The following NCAM2 variants were observed in gnomAD, a reference collection of about 807,000 sequenced individuals.
The protein encoded by NCAM2 is N-CAM-2.
A neutral mutation model predicts 98.1 loss-of-function variants in NCAM2; 30 were observed. The observed-to-expected ratio is 0.31, with a 90% CI of 0.23 to 0.41. The LOEUF is 0.41. Among genes scored for constraint, NCAM2 ranks in the 10% least tolerant of loss-of-function variants. The pLI is 1.00. For synonymous variants in NCAM2, 368 were observed against 342.4 expected (o/e 1.07, Z -0.83); for missense variants, 867 against 1,005.8 (o/e 0.86, Z 1.87).
intron 1 of NCAM2, among the ~76,000 whole-genome samples, chr21:21,252,191 A>G (rs1214433112): frequency 1.3e-5 from 2 of 151,972 alleles, no homozygotes; most frequent in African/African-American, 4.8e-5. Flanking sequence ...ATTAAAATGT[A>G]AGGAAACGAT....
chr21:21,278,452 A>C (rs983859924), intron 1 of NCAM2, among the ~76,000 whole-genome samples: 5 of 152,202 alleles, frequency 3.3e-5, no homozygotes, highest in African/African-American at 9.6e-5. Flanking sequence ...ATTTGGCATT[A>C]ATGGTTTATC....
chr21:21,012,852 C>T (rs1403704849), intron 1 of NCAM2, among the ~76,000 whole-genome samples: 1 of 151,994 alleles, frequency 6.6e-6, no homozygotes, highest in South Asian at 2.1e-4. Context: ...ATTATTATGT[C>T]TTTATGGTGA....
At chr21:21,100,872 A>T (rs995668787) in intron 1 of NCAM2, among the ~76,000 whole-genome samples, 2 of 152,134 alleles carry the variant, frequency 1.3e-5, no homozygotes, top group East Asian at 3.9e-4. Flanking sequence ...GTGCCATTTC[A>T]TCTCTCTGAA....
Position 21,262,812 on chromosome 21 carries a change from G to A in NCAM2, c.56-17766G>A, listed in dbSNP as rs1601801238. Among the ~76,000 whole-genome samples the A allele has an allele frequency of 2.6e-5, 4 of 152,084 alleles. No homozygotes were observed. The South Asian group carries it at 8.3e-4, about 32-fold the overall frequency. On this transcript the variant is annotated intron_variant, in intron 1 of 17. Transcript: ENST00000400546. ...GGACTCACAGTTCCACGTGGCTGGGGAGGCCTCACAATCATGGCAGAAGGT... is the reference window on the plus strand; with the variant it reads ...GGACTCACAGTTCCACGTGGCTGGGAAGGCCTCACAATCATGGCAGAAGGT...
intron 1 of NCAM2, among the ~76,000 whole-genome samples, chr21:21,132,128 T>C (rs1019133886): frequency 6.6e-6 from 1 of 152,188 alleles, no homozygotes; most frequent in Non-Finnish European, 1.5e-5. Context: ...TGGCCTCTTC[T>C]TCCATCTTCA....
intron 1 of NCAM2, among the ~76,000 whole-genome samples, chr21:21,148,221 G>A (rs1270313043): frequency 1.3e-5 from 2 of 152,226 alleles, no homozygotes; most frequent in South Asian, 2.1e-4. Context: ...AGATATCTGG[G>A]CAGCCTGTGT....
intron 12 of NCAM2, among the ~76,000 whole-genome samples, chr21:21,454,084 A>C (rs948228227): frequency 3.3e-5 from 5 of 152,068 alleles, no homozygotes; most frequent in African/African-American, 1.2e-4. Context: ...AAATTTGACC[A>C]CCTACCCTTT....
chr21:21,007,268 A>T (rs552002919), intron 1 of NCAM2, among the ~76,000 whole-genome samples: 1 of 152,262 alleles, frequency 6.6e-6, no homozygotes, highest in Admixed American at 6.5e-5. Context: ...CTATTATTGT[A>T]ACTTGTTCAT....
chr21:21,389,024 C>T (rs2076327487), intron 9 of NCAM2, among the ~76,000 whole-genome samples: 1 of 152,156 alleles, frequency 6.6e-6, no homozygotes, highest in Non-Finnish European at 1.5e-5. Context: ...ATCTGGGTAA[C>T]TGGGATATCC....
At chr21:21,460,783 T>C (rs188285856) in intron 12 of NCAM2, among the ~76,000 whole-genome samples, 11 of 152,028 alleles carry the variant, frequency 7.2e-5, no homozygotes, top group African/African-American at 2.4e-4. Flanking sequence ...CCAAATACAA[T>C]AATGAGGGTG....
At chr21:21,343,497 A>G (rs558260136) in intron 8 of NCAM2, among the ~76,000 whole-genome samples, 3 of 152,276 alleles carry the variant, frequency 2.0e-5, no homozygotes, top group South Asian at 4.1e-4. Context: ...ATAGTCCTGA[A>G]TAAACAACAC....
intron 9 of NCAM2, among the ~76,000 whole-genome samples, chr21:21,391,531 G>A (rs2076380089): frequency 1.3e-5 from 2 of 151,894 alleles, no homozygotes; most frequent in Admixed American, 1.3e-4. Flanking sequence ...ATAATGATCA[G>A]ATAATAATTA....
chr21:21,201,260 C>A (rs1474547904), intron 1 of NCAM2, among the ~76,000 whole-genome samples: 1 of 152,066 alleles, frequency 6.6e-6, no homozygotes, highest in Non-Finnish European at 1.5e-5. Flanking sequence ...TATATTTGAG[C>A]TGATATGAAA....
intron 12 of NCAM2, among the ~76,000 whole-genome samples, chr21:21,462,000 G>A (rs9976710): frequency 0.043 from 6,602 of 152,066 alleles, 482 homozygotes; most frequent in African/African-American, 0.15. Flanking sequence ...GCAGAAGTCA[G>A]TCAGATAATT....
intron 8 of NCAM2, among the ~76,000 whole-genome samples, chr21:21,360,577 A>G (rs2075618529): frequency 6.6e-6 from 1 of 151,892 alleles, no homozygotes. Context: ...AAATCCTACC[A>G]TTTTACCCCT....
At chr21:21,485,219 T>A (rs1466580729) in intron 15 of NCAM2, among the ~76,000 whole-genome samples, 1 of 152,196 alleles carries the variant, frequency 6.6e-6, no homozygotes, top group Non-Finnish European at 1.5e-5. Flanking sequence ...CCGATTAATT[T>A]TTTTCATTAA....
At chr21:21,142,545 A>AT (rs112145516) in intron 1 of NCAM2, among the ~76,000 whole-genome samples, 65,579 of 150,886 alleles carry the variant, frequency 0.43, 14,771 homozygotes, top group African/African-American at 0.56. Flanking sequence ...GGCCTGGCTA[A>AT]TTTTTTTGTA....
At chr21:21,442,658 A>G (rs1979473491) in intron 12 of NCAM2, among the ~76,000 whole-genome samples, 2 of 152,272 alleles carry the variant, frequency 1.3e-5, no homozygotes, top group African/African-American at 4.8e-5. Context: ...AGAGGAATAA[A>G]TAAATGCAGA....
intron 1 of NCAM2, among the ~76,000 whole-genome samples, chr21:21,139,863 C>A (rs924683386): frequency 2.0e-5 from 3 of 151,970 alleles, no homozygotes; most frequent in Non-Finnish European, 4.4e-5. Flanking sequence ...AAATTTACTC[C>A]TTTATTAAAA....
Sources: allele counts gnomAD v4.1 joint callset (sites outside exome capture counted in the v4.1 genomes callset), GRCh38; gene constraint gnomAD v4.1.1; transcripts MANE v1.5; gene names NCBI Gene and HGNC (gene_info 2026-07-23, HGNC 2026-07-21).